Variants in SLC5A8 observed in about 807,000 individuals in gnomAD.
The protein encoded by SLC5A8 is sodium-coupled monocarboxylate transporter 1.
Under a neutral mutation model 71.9 loss-of-function variants are expected in SLC5A8, and 55 were observed. That is an observed-to-expected ratio of 0.77 (90% CI 0.62 to 0.96). SLC5A8 has a LOEUF of 0.96. Ranked by LOEUF, SLC5A8 falls within the 40% of genes least tolerant of loss-of-function variation. The pLI, the probability that SLC5A8 is intolerant of heterozygous loss-of-function variation, is 0.00. For synonymous variants in SLC5A8, 307 were observed against 276.1 expected (o/e 1.11, Z -1.11); for missense variants, 701 against 745.3 (o/e 0.94, Z 0.69).
chr12:101,167,528 A>G (rs950325653), intron 11 of SLC5A8, among the ~76,000 whole-genome samples: 3 of 152,216 alleles, frequency 2.0e-5, no homozygotes, highest in Admixed American at 2.0e-4. Context: ...ATTCCAAACA[A>G]AAGTTAGCAC....
At chr12:101,158,176 G>GTGT in intron 14 of SLC5A8, 73 bp downstream of exon 14, 1 of 1,032,980 alleles carries the variant, frequency 9.7e-7, no homozygotes, top group South Asian at 1.4e-5. Context: ...GAAAGAGGTT[G>GTGT]AGAACTAATT....
chr12:101,209,393 T>G, intron 1 of SLC5A8, 105 bp downstream of exon 1: 4 of 800,236 alleles, frequency 5.0e-6, no homozygotes, highest in East Asian at 2.8e-5. Flanking sequence ...CGGGGAGAGA[T>G]TTCGATGTGG....
At chr12:101,205,396 T>C (rs1304621361) in intron 1 of SLC5A8, among the ~76,000 whole-genome samples, 1 of 152,230 alleles carries the variant, frequency 6.6e-6, no homozygotes, top group Non-Finnish European at 1.5e-5. Context: ...CTGCTATGTC[T>C]TATAACATAG....
chr12:101,187,473 T>G lies in SLC5A8; in HGVS notation c.876A>C (p.Thr292=), dbSNP rs747145726. The change falls in exon 7 of 15, where the codon ACA becomes ACC. Residue 292 remains threonine, a synonymous_variant. Transcript: ENST00000536262. Reference sequence around the variant, plus strand: ...GGGCGAGCCCACAAAACACTGAGCATGTGAGGATTGCCCAGAGTCCCACAA... The same window carrying G: ...GGGCGAGCCCACAAAACACTGAGCAGGTGAGGATTGCCCAGAGTCCCACAA... ...INLVGLWAIL[T]CSVFCGLALY... 1 of 1,613,960 alleles carries G rather than the reference T, an allele frequency of 6.2e-7. No individual in the cohort carries two copies. Among genetic ancestry groups the G allele is most frequent in the Non-Finnish European group, 8.5e-7 (1 of 1,179,938 alleles).
chr12:101,174,069 A>T (rs899840382), intron 10 of SLC5A8, among the ~76,000 whole-genome samples: 8 of 152,218 alleles, frequency 5.3e-5, no homozygotes, highest in Admixed American at 3.3e-4. Flanking sequence ...AAAGTAAAAT[A>T]AAAACTACCA....
intron 10 of SLC5A8, among the ~76,000 whole-genome samples, chr12:101,172,858 C>T (rs1243833505): frequency 6.6e-6 from 1 of 152,106 alleles, no homozygotes; most frequent in Non-Finnish European, 1.5e-5. Flanking sequence ...GATGGGCTCT[C>T]CTTAAAAACA....
intron 1 of SLC5A8, among the ~76,000 whole-genome samples, chr12:101,207,182 A>T (rs1220268313): frequency 6.6e-6 from 1 of 152,192 alleles, no homozygotes; most frequent in Non-Finnish European, 1.5e-5. Flanking sequence ...CAGTGTGCCC[A>T]CAACTTCACG....
At chr12:101,158,564 C>T in intron 13 of SLC5A8, among the ~76,000 whole-genome samples, 1 of 36,918 alleles carries the variant, frequency 2.7e-5, no homozygotes. Context: ...CTCTCTCTCT[C>T]TCTCTCTCTC....
At chr12:101,193,049 G>T (rs1202174579) in intron 5 of SLC5A8, among the ~76,000 whole-genome samples, 1 of 147,510 alleles carries the variant, frequency 6.8e-6, no homozygotes, top group Non-Finnish European at 1.5e-5. Flanking sequence ...TCGGCTCACT[G>T]CAACCTCTGC....
At chr12:101,164,803 A>C (rs1350700936) in intron 12 of SLC5A8, among the ~76,000 whole-genome samples, 1 of 152,072 alleles carries the variant, frequency 6.6e-6, no homozygotes, top group African/African-American at 2.4e-5. Flanking sequence ...TGCATGTTTT[A>C]ATTTATTTTC....
In SLC5A8 at chr12:101,172,808, G is replaced by T. The variant is rs549003830; in HGVS notation, c.1234-4626C>A. 1.2e-3 allele frequency among the ~76,000 whole-genome samples: 179 copies of T among 152,258 alleles called. 1 individual carries two copies. The highest frequency in any genetic ancestry group is 3.9e-3 in the African/African-American group (160 of 41,556). ...CCTACAGAGCTCAATTAACTTCAGG[G>T]ACTGTGGCCATCAGGGCCAGGAGAG... is the stretch of plus-strand genomic sequence containing the variant. On this transcript the variant is annotated intron_variant, in intron 10 of 14. Coordinates refer to ENST00000536262, the MANE Select transcript of SLC5A8 (RefSeq NM_145913.5).
At chr12:101,177,691 A>T (rs1417428063) in intron 10 of SLC5A8, among the ~76,000 whole-genome samples, 2 of 152,294 alleles carry the variant, frequency 1.3e-5, no homozygotes, top group East Asian at 3.9e-4. Flanking sequence ...CTAAAGAAGA[A>T]GATCACATGA....
At chr12:101,195,269 T>A in intron 3 of SLC5A8, 107 bp from the exon 4 acceptor site, 5 of 1,169,812 alleles carry the variant, frequency 4.3e-6, no homozygotes, top group Non-Finnish European at 6.2e-6. Context: ...GGCACCTTCC[T>A]CTATACCCAC....
Position 101,166,511 on chromosome 12 carries a change from T to C in SLC5A8, c.1509A>G (p.Gln503=), listed in dbSNP as rs769550343. ...TEMPFTTSVF[Q]IYNVQRTPLM... The stretch of plus-strand genomic sequence containing the variant: ...TTCAATACCTTTGAACATTGTATAT[T>C]TGAAAAACACTAGTAGTAAATGGCA... Residue 503 remains glutamine, a synonymous_variant, in exon 12 of 15, where the codon CAA becomes CAG. Coordinates refer to ENST00000536262, the MANE Select transcript of SLC5A8 (RefSeq NM_145913.5). 6.2e-7 allele frequency: 1 copy of C among 1,613,402 alleles called. No individual in the cohort carries two copies. The highest frequency in any genetic ancestry group is 8.5e-7 in the Non-Finnish European group (1 of 1,179,718).
intron 10 of SLC5A8, among the ~76,000 whole-genome samples, chr12:101,175,830 C>A (rs2051874979): frequency 6.6e-6 from 1 of 151,988 alleles, no homozygotes; most frequent in South Asian, 2.1e-4. Context: ...AAACTCAAGA[C>A]ATTCTCAGGT....
chr12:101,193,529 G>A, intron 5 of SLC5A8, 96 bp downstream of exon 5: 2 of 1,395,638 alleles, frequency 1.4e-6, no homozygotes, highest in Non-Finnish European at 9.7e-7. Context: ...GCAATTTGTT[G>A]GCTTGTTTTT....
chr12:101,198,487 CA>C (rs1170071805), intron 3 of SLC5A8, among the ~76,000 whole-genome samples: 1 of 151,840 alleles, frequency 6.6e-6, no homozygotes, highest in Non-Finnish European at 1.5e-5. Context: ...AAAAGCATAA[CA>C]AGAGGGTATT....
chr12:101,206,361 T>G (rs931022982), intron 1 of SLC5A8, among the ~76,000 whole-genome samples: 1 of 152,230 alleles, frequency 6.6e-6, no homozygotes, highest in African/African-American at 2.4e-5. Flanking sequence ...TATGAATCAC[T>G]AAACATGTGA....
rs1868706474 is a variant in SLC5A8 at position 101,187,513 on chromosome 12, G to C, written c.836C>G (p.Ser279Cys). Residue 279 changes from serine (S) to cysteine (C), a missense_variant and splice_region_variant, in exon 7 of 15, where the codon TCT becomes TGT. Physicochemically the swap from Ser to Cys is moderately radical, Grantham distance 112. Coordinates refer to ENST00000536262, the MANE Select transcript of SLC5A8 (RefSeq NM_145913.5). ...SCKSRFQAKL[S>C]LYINLVGLWA... ...GAGTCCCACAAGATTGATGTAGAGA[G>C]ACCTAAAGAAGTGAAAACAAACCAG... 1 of 1,605,752 alleles carries C rather than the reference G, an allele frequency of 6.2e-7. No individual in the cohort carries two copies. Among genetic ancestry groups the C allele is most frequent in the Non-Finnish European group, 8.5e-7 (1 of 1,177,208 alleles).
Sources: allele counts gnomAD v4.1 joint callset (sites outside exome capture counted in the v4.1 genomes callset), GRCh38; gene constraint gnomAD v4.1.1; transcripts MANE v1.5; gene names NCBI Gene and HGNC (gene_info 2026-07-23, HGNC 2026-07-21).